RLF: variants seen among roughly 807,000 people sequenced by gnomAD.
RLF encodes zinc finger protein Rlf.
RLF carries 7 observed loss-of-function variants against 162.9 expected under a neutral mutation model. That is an observed-to-expected ratio of 0.04 (90% confidence interval 0.02 to 0.08). The LOEUF (loss-of-function observed/expected upper bound fraction) is 0.08. RLF is among the 10% of genes least tolerant of loss of function. RLF has a pLI of 1.00. For missense variants in RLF, 1,664 were observed against 2,244.7 expected (o/e 0.74, Z 5.23); for synonymous variants, 782 against 791.5 (o/e 0.99, Z 0.20).
In RLF at chr1:40,161,459, G is replaced by T. The variant is rs1173285631; in HGVS notation, c.60G>T (p.Ala20=). 4 of 1,577,088 alleles carry T rather than the reference G, an allele frequency of 2.5e-6. No homozygotes were observed. The African/African-American group carries it at 5.5e-5, about 22-fold the overall frequency. Residue 20 remains alanine (A), a synonymous_variant, in exon 1 of 8, where the codon GCG becomes GCT. Transcript: ENST00000372771. This position sits in a 1 kb window ranked among gnomAD's most constrained non-coding sequence, Gnocchi z 4.4. ...AVAGAGAEAP[A]VAGAGDGVET... ...CCGGGGCTGGGGCTGAGGCTCCGGC[G>T]GTAGCGGGAGCCGGAGATGGAGTCG...
chr1:40,225,862 G>A (rs919292215), intron 6 of RLF, among the ~76,000 whole-genome samples: 12 of 131,566 alleles, frequency 9.1e-5, no homozygotes, highest in Non-Finnish European at 1.5e-4. Flanking sequence ...CTGGGTGACA[G>A]AGCGAGACTC....
intron 1 of RLF, among the ~76,000 whole-genome samples, chr1:40,185,944 G>A (rs1384623139): frequency 6.6e-6 from 1 of 151,178 alleles, no homozygotes; most frequent in Non-Finnish European, 1.5e-5. Flanking sequence ...ATCACTTGAG[G>A]TCAAGAGTTC....
chr1:40,225,333 A>G (rs542290172), intron 6 of RLF, among the ~76,000 whole-genome samples: 13 of 151,584 alleles, frequency 8.6e-5, no homozygotes, highest in Non-Finnish European at 1.6e-4. Context: ...AATCCCAGCA[A>G]TTTGGGAGAC....
intron 4 of RLF, among the ~76,000 whole-genome samples, chr1:40,200,459 G>GT (rs1293026499): frequency 6.6e-6 from 1 of 152,136 alleles, no homozygotes; most frequent in African/African-American, 2.4e-5. Flanking sequence ...GCCTGCAAGT[G>GT]TATCAGTAGG....
chr1:40,238,163 A>G lies in RLF; in HGVS notation c.3461A>G (p.Tyr1154Cys). 6.2e-7 allele frequency: 1 copy of G among 1,614,058 alleles called. No individual in the cohort carries two copies. The highest frequency in any genetic ancestry group is 2.2e-5 in the East Asian group (1 of 44,894). ...ATGCATTATCTTAAAAAGCATAATT[A>G]TTCAAAAGAAAAAGTCCTTCAGTTA... ...LLMHYLKKHN[Y>C]SKEKVLQLTM... Residue 1154 changes from tyrosine to cysteine, a missense_variant, in exon 8 of 8, where the codon TAT becomes TGT. Tyr to Cys is a radical substitution (Grantham distance 194). Coordinates refer to ENST00000372771, the MANE Select transcript of RLF (RefSeq NM_012421.4). The surrounding 1 kb of genome is among the most constrained non-coding windows in gnomAD (Gnocchi z 5.2).
intron 1 of RLF, among the ~76,000 whole-genome samples, chr1:40,173,420 T>G (rs951498903): frequency 1.3e-5 from 2 of 152,092 alleles, no homozygotes; most frequent in Non-Finnish European, 2.9e-5. Flanking sequence ...ACATTTTTTT[T>G]TGTGAGGTTT....
Position 40,239,441 on chromosome 1 carries a change from A to G in RLF, c.4739A>G (p.Tyr1580Cys). 4 of 1,614,004 alleles carry G rather than the reference A, an allele frequency of 2.5e-6. No individual in the cohort carries two copies. Among genetic ancestry groups the G allele is most frequent in the Non-Finnish European group, 3.4e-6 (4 of 1,180,032 alleles). Residue 1580 changes from tyrosine (Y) to cysteine (C), a missense_variant, in exon 8 of 8, where the codon TAT becomes TGT. Tyr to Cys is a radical substitution (Grantham distance 194). Transcript: ENST00000372771. The stretch of plus-strand genomic sequence containing the variant: ...CGCACTCATCAGATGAGTAGTGCCT[A>G]TTTAGAGCAACAGATGGAGAATCTT... The part of the protein sequence containing the change: ...YKRTHQMSSA[Y>C]LEQQMENLVV...
At chr1:40,222,992 T>G (rs1284237466) in intron 6 of RLF, among the ~76,000 whole-genome samples, 1 of 137,382 alleles carries the variant, frequency 7.3e-6, no homozygotes, top group Non-Finnish European at 1.5e-5. Flanking sequence ...AAACCTGTGT[T>G]AGTTAGATTG....
chr1:40,178,506 G>A (rs1326987369), intron 1 of RLF, among the ~76,000 whole-genome samples: 2 of 151,822 alleles, frequency 1.3e-5, no homozygotes, highest in African/African-American at 2.4e-5. Context: ...ATGTAACAAT[G>A]TGAATACTTA....
chr1:40,188,986 G>A, intron 1 of RLF, 69 bp from the exon 2 acceptor site: 1 of 1,065,318 alleles, frequency 9.4e-7, no homozygotes, highest in Non-Finnish European at 1.3e-6. Context: ...GCTATGTGGT[G>A]TGTTTGAGGA....
intron 1 of RLF, among the ~76,000 whole-genome samples, chr1:40,185,843 C>CA (rs33982008): frequency 0.018 from 1,238 of 67,500 alleles, 6 homozygotes; most frequent in African/African-American, 0.029. Context: ...AAAAAAAAAG[C>CA]AAAAAAAAAA....
At chr1:40,225,294 A>G (rs1418859739) in intron 6 of RLF, among the ~76,000 whole-genome samples, 1 of 152,108 alleles carries the variant, frequency 6.6e-6, no homozygotes, top group Non-Finnish European at 1.5e-5. Context: ...CTATGTAGCT[A>G]TTGGCCAGGC....
intron 5 of RLF, among the ~76,000 whole-genome samples, chr1:40,208,446 A>G (rs193073354): frequency 6.6e-6 from 1 of 152,336 alleles, no homozygotes; most frequent in Admixed American, 6.5e-5. Flanking sequence ...TGCAGAAAAC[A>G]TTTATTGCTC....
chr1:40,222,399 CTGTT>C (rs756489830), intron 5 of RLF, among the ~76,000 whole-genome samples, 171 bp from the exon 6 acceptor site: 12 of 152,274 alleles, frequency 7.9e-5, no homozygotes, highest in Non-Finnish European at 1.6e-4. Flanking sequence ...CTTATAGTGT[CTGTT>C]CCCTTCTTTA....
At chr1:40,197,903 C>A (rs990812512) in intron 4 of RLF, among the ~76,000 whole-genome samples, 5 of 152,198 alleles carry the variant, frequency 3.3e-5, no homozygotes, top group African/African-American at 1.2e-4. Context: ...CAGTGATGTT[C>A]ATCTCACTGA....
chr1:40,180,333 A>T (rs1228958969), intron 1 of RLF, among the ~76,000 whole-genome samples: 2 of 152,060 alleles, frequency 1.3e-5, no homozygotes, highest in Admixed American at 6.6e-5. Flanking sequence ...ATCTTGACTC[A>T]TTGTAACCTC....
chr1:40,182,443 G>C (rs1428143500), intron 1 of RLF, among the ~76,000 whole-genome samples: 1 of 151,892 alleles, frequency 6.6e-6, no homozygotes, highest in Non-Finnish European at 1.5e-5. Context: ...TAAAAAAAAA[G>C]AAAAGAAAAG....
intron 1 of RLF, among the ~76,000 whole-genome samples, chr1:40,170,870 G>C (rs1484351485): frequency 6.6e-6 from 1 of 152,108 alleles, no homozygotes. Context: ...GGTAGGCCGG[G>C]ATTACTAATG....
rs1028981151 is a variant in RLF, at chr1:40,182,225, A to G, written c.238-6830A>G. On this transcript the variant is annotated intron_variant, in intron 1 of 7. Coordinates refer to ENST00000372771, the MANE Select transcript of RLF (RefSeq NM_012421.4). ...GAGGTGAGCAGATCACGAGGTCAAGAGATCGAGACCATCCTGGCCAACATG... is the reference window on the plus strand; with the variant it reads ...GAGGTGAGCAGATCACGAGGTCAAGGGATCGAGACCATCCTGGCCAACATG... 1.8e-4 allele frequency among the ~76,000 whole-genome samples: 28 copies of G among 152,202 alleles called. 1 individual carries two copies. Among genetic ancestry groups the G allele is most frequent in the Non-Finnish European group, 1.5e-5 (1 of 68,038 alleles).
Sources: allele counts gnomAD v4.1 joint callset (sites outside exome capture counted in the v4.1 genomes callset), GRCh38; gene constraint gnomAD v4.1.1; non-coding constraint Gnocchi (gnomAD v3.1); transcripts MANE v1.5; gene names NCBI Gene and HGNC (gene_info 2026-07-23, HGNC 2026-07-21).